SAMD7: variants seen among roughly 807,000 people sequenced by gnomAD.
SAMD7 encodes sterile alpha motif domain-containing protein 7.
SAMD7 carries 34 observed loss-of-function variants against 36.7 expected under a neutral mutation model. The observed-to-expected ratio is 0.93, with a 90% CI of 0.71 to 1.23. The LOEUF is 1.23. Ranked by LOEUF, SAMD7 falls within the 50% of genes most tolerant of loss-of-function variation. The pLI, the probability that SAMD7 is intolerant of heterozygous loss-of-function variation, is 0.00. For synonymous variants in SAMD7, 188 were observed against 189.7 expected, an observed-to-expected ratio of 0.99 and a Z score of 0.07; for missense variants, 570 against 546.6, an observed-to-expected ratio of 1.04 and a Z score of -0.43.
intron 1 of SAMD7, among the ~76,000 whole-genome samples, chr3:169,914,674 C>T (rs563636180): frequency 2.2e-4 from 33 of 152,302 alleles, no homozygotes; most frequent in African/African-American, 7.5e-4. Flanking sequence ...CCAAGGATAG[C>T]TTTAATTGTA....
chr3:169,927,876 C>T (rs1470168183), intron 6 of SAMD7, among the ~76,000 whole-genome samples: 1 of 152,148 alleles, frequency 6.6e-6, no homozygotes, highest in African/African-American at 2.4e-5. Context: ...TATGAAAAAA[C>T]AGGCAATTAA....
In SAMD7 at chr3:169,936,429, G is replaced by A. The variant is rs1292242073; in HGVS notation, c.1132G>A (p.Ala378Thr). The A allele has an allele frequency of 6.2e-7, 1 of 1,609,988 alleles. No individual in the cohort carries two copies. Among genetic ancestry groups the A allele is most frequent in the African/African-American group, 1.3e-5 (1 of 74,910 alleles). Residue 378 changes from alanine to threonine, a missense_variant, in exon 8 of 9, where the codon GCA becomes ACA. Coordinates refer to ENST00000335556, the MANE Select transcript of SAMD7 (RefSeq NM_001304366.2). Reference sequence around the variant, plus strand: ...CACTATGGGATTAAAGCTAGGGCCGGCACTAAAAATTCAGTCACAGGTATG... The same window carrying A: ...CACTATGGGATTAAAGCTAGGGCCGACACTAAAAATTCAGTCACAGGTATG... The part of the protein sequence containing the change: ...RGTMGLKLGP[A>T]LKIQSQVSQH...
At position 169,938,575 on chromosome 3, in the gene SAMD7, T is replaced by A. The variant is rs767880266; in HGVS notation, c.*69T>A. The A allele has an allele frequency of 9.9e-7, 1 of 1,008,318 alleles. No individual in the cohort carries two copies. The highest frequency in any genetic ancestry group is 1.6e-5 in the African/African-American group (1 of 61,388). The allele number at this position is 1,008,318 out of a possible 1,614,324, so 62.5% of individuals were successfully genotyped here. ...AGCCTAGGATATTACAAAGGATGTGTGAGGATTTCCCAGTACTGGATGGAG... is the reference window on the plus strand; with the variant it reads ...AGCCTAGGATATTACAAAGGATGTGAGAGGATTTCCCAGTACTGGATGGAG... On this transcript the variant is annotated 3_prime_UTR_variant, in exon 9 of 9. Coordinates refer to ENST00000335556, the MANE Select transcript of SAMD7 (RefSeq NM_001304366.2).
intron 8 of SAMD7, 73 bp from the exon 9 acceptor site, chr3:169,938,245 T>C (rs2108267984): frequency 1.1e-6 from 1 of 942,100 alleles, no homozygotes. Flanking sequence ...AGCCTCTCTG[T>C]GATGTGTGTT....
At chr3:169,927,483 G>A (rs1713325968) in intron 6 of SAMD7, among the ~76,000 whole-genome samples, 2 of 151,922 alleles carry the variant, frequency 1.3e-5, no homozygotes, top group South Asian at 4.2e-4. Context: ...TTTTATTAGA[G>A]CCGGGGTTTC....
intron 7 of SAMD7, among the ~76,000 whole-genome samples, chr3:169,934,106 G>C (rs144777455): frequency 2.0e-5 from 3 of 152,312 alleles, no homozygotes; most frequent in African/African-American, 7.2e-5. Context: ...GAGGTGGACA[G>C]GGCCAGGTCA....
At chr3:169,919,420 A>G (rs1326918895) in intron 2 of SAMD7, 38 bp from the exon 3 acceptor site, 2 of 1,064,636 alleles carry the variant, frequency 1.9e-6, no homozygotes, top group Non-Finnish European at 2.9e-6. Context: ...CACAAAAAGT[A>G]GAGTTATTTG....
At chr3:169,912,795 A>G (rs756540339) in intron 1 of SAMD7, among the ~76,000 whole-genome samples, 1 of 152,214 alleles carries the variant, frequency 6.6e-6, no homozygotes, top group Non-Finnish European at 1.5e-5. Flanking sequence ...CCTTTAGGAA[A>G]AGTGAAATAC....
At chr3:169,921,041 T>C (rs143445107) in intron 3 of SAMD7, among the ~76,000 whole-genome samples, 173 bp from the exon 4 acceptor site, 2 of 152,346 alleles carry the variant, frequency 1.3e-5, no homozygotes, top group East Asian at 3.9e-4. Flanking sequence ...CTTCCCGATC[T>C]TTCCACCATA....
intron 1 of SAMD7, among the ~76,000 whole-genome samples, chr3:169,915,078 TC>T (rs1458104217): frequency 6.6e-6 from 1 of 152,178 alleles, no homozygotes; most frequent in Non-Finnish European, 1.5e-5. Context: ...TGTGTCTAGC[TC>T]AAGCATAATC....
intron 7 of SAMD7, 72 bp downstream of exon 7, chr3:169,928,650 T>C: frequency 6.8e-7 from 1 of 1,478,904 alleles, no homozygotes; most frequent in Admixed American, 1.8e-5. Flanking sequence ...ATGAATTAGG[T>C]CAAACTTGCA....
chr3:169,920,015 A>C (rs773655903), intron 3 of SAMD7, among the ~76,000 whole-genome samples: 9 of 152,196 alleles, frequency 5.9e-5, no homozygotes, highest in Non-Finnish European at 1.2e-4. Context: ...TCTACTAAAA[A>C]TACAAAACAT....
chr3:169,916,743 G>A (rs1452753109), intron 2 of SAMD7, among the ~76,000 whole-genome samples: 3 of 152,134 alleles, frequency 2.0e-5, no homozygotes, highest in Admixed American at 6.5e-5. Flanking sequence ...AGAGACCATC[G>A]ATTCATGACA....
chr3:169,929,498 T>G (rs2108263467), intron 7 of SAMD7, among the ~76,000 whole-genome samples: 1 of 152,296 alleles, frequency 6.6e-6, no homozygotes, highest in Non-Finnish European at 1.5e-5. Flanking sequence ...ATTTTTTAGT[T>G]CAGTTTACGG....
chr3:169,925,272 G>A (rs972323469), intron 5 of SAMD7, 136 bp downstream of exon 5: 3 of 554,122 alleles, frequency 5.4e-6, no homozygotes, highest in African/African-American at 3.9e-5. Context: ...CTTACATAAA[G>A]TATTTCAGGC....
intron 4 of SAMD7, among the ~76,000 whole-genome samples, chr3:169,923,940 GAGA>G (rs2108259884): frequency 6.6e-6 from 1 of 152,308 alleles, no homozygotes; most frequent in African/African-American, 2.4e-5. Context: ...GAAAGTATGG[GAGA>G]AGGTTTCTTG....
intron 1 of SAMD7, among the ~76,000 whole-genome samples, chr3:169,912,683 G>A (rs1285499347): frequency 6.6e-6 from 1 of 152,170 alleles, no homozygotes; most frequent in Non-Finnish European, 1.5e-5. Context: ...AGAGTAAAAA[G>A]AAATAAGAAG....
At chr3:169,917,057 T>A (rs1712835900) in intron 2 of SAMD7, among the ~76,000 whole-genome samples, 1 of 152,228 alleles carries the variant, frequency 6.6e-6, no homozygotes, top group Non-Finnish European at 1.5e-5. Context: ...GAAAGTATAC[T>A]GACCTCACAG....
rs750531970 is a variant in SAMD7 at position 169,938,406 on chromosome 3, C to G, written c.1241C>G (p.Pro414Arg). Residue 414 changes from proline to arginine, a missense_variant, in exon 9 of 9, where the codon CCT (proline) becomes CGT (arginine). By Grantham distance (103) the Pro-to-Arg change is moderately radical. Transcript: ENST00000335556. ...TTTGATCAACCAGCAGATACATCCCCTCTTCTGGATCCTAATTCCTGGAGT... is the reference window on the plus strand; with the variant it reads ...TTTGATCAACCAGCAGATACATCCCGTCTTCTGGATCCTAATTCCTGGAGT... ...QAFDQPADTSPLLDPNSWSDT... is the reference protein window; with the variant it reads ...QAFDQPADTSRLLDPNSWSDT... 1 of 1,609,196 alleles carries G rather than the reference C, an allele frequency of 6.2e-7. No homozygotes were observed. Among genetic ancestry groups the G allele is most frequent in the Non-Finnish European group, 8.5e-7 (1 of 1,175,520 alleles).
Sources: gnomAD v4.1 joint callset for allele counts (sites outside exome capture counted in the v4.1 genomes callset) on GRCh38, gnomAD v4.1.1 for gene constraint, MANE v1.5 for transcripts, NCBI Gene and HGNC (gene_info 2026-07-23, HGNC 2026-07-21) for gene names.